The following TBC1D8B variants were observed in gnomAD, a reference collection of about 807,000 sequenced individuals.
TBC1D8B encodes the protein RP11-321G1.1.
In TBC1D8B, 75 loss-of-function variants were observed where a neutral mutation model predicts 82.9. The observed-to-expected ratio is 0.90, with a 90% CI of 0.75 to 1.10. The LOEUF (loss-of-function observed/expected upper bound fraction) is 1.10, where lower values mean the gene tolerates loss of function less well. Among genes scored for constraint, TBC1D8B ranks in the 50% least tolerant of loss-of-function variants. The pLI, the probability that TBC1D8B is intolerant of heterozygous loss-of-function variation, is 0.00. For missense variants in TBC1D8B, 794 were observed against 796.9 expected (o/e 1.00, Z 0.04); for synonymous variants, 276 against 276.8 (o/e 1.00, Z 0.03).
At chrX:106,833,341 G>A (rs922162620) in intron 7 of TBC1D8B, among the ~76,000 whole-genome samples, 6 of 111,371 alleles carry the variant, frequency 5.4e-5, no homozygotes, top group African/African-American at 2.0e-4. Flanking sequence ...TTTTGCTCAG[G>A]CACTAAAAGT....
intron 1 of TBC1D8B, 37 bp downstream of exon 1, chrX:106,803,020 T>A: frequency 1.7e-6 from 2 of 1,161,475 alleles, no homozygotes; most frequent in Middle Eastern, 2.8e-4. Flanking sequence ...CTGGGCTGTG[T>A]TCGCTGTTAC....
chrX:106,876,088 A>C lies in TBC1D8B; in HGVS notation c.*2123A>C, dbSNP rs1205912608. ...CATTATACCTTATGCATTAAATTAAATATGTTATAAGGTGGCTTTACTTGT... is the reference window on the plus strand; with the variant it reads ...CATTATACCTTATGCATTAAATTAACTATGTTATAAGGTGGCTTTACTTGT... On this transcript the variant is annotated 3_prime_UTR_variant, in exon 21 of 21. Coordinates refer to ENST00000357242, the MANE Select transcript of TBC1D8B (RefSeq NM_017752.3). 1 of 111,847 alleles carries C rather than the reference A, an allele frequency of 8.9e-6. No homozygotes were observed. The highest frequency in any genetic ancestry group is 3.2e-5 in the African/African-American group (1 of 30,823). 9.2% of individuals were successfully genotyped at this position (111,847 alleles called of 1,213,427 possible). A position where few individuals can be genotyped will look rare whatever the true frequency, so the allele number is the denominator to read the frequency against.
chrX:106,866,684 T>G (rs1932817183), intron 16 of TBC1D8B, 113 bp from the exon 17 acceptor site: 1 of 497,400 alleles, frequency 2.0e-6, no homozygotes, highest in African/African-American at 2.4e-5. Flanking sequence ...AAGTAACAGG[T>G]TTCTAAATCC....
In TBC1D8B at chrX:106,827,249, A is replaced by G; in HGVS notation, c.1115A>G (p.His372Arg). The G allele has an allele frequency of 1.7e-6, 2 of 1,211,404 alleles. No individual in the cohort carries two copies. Among genetic ancestry groups the G allele is most frequent in the Non-Finnish European group, 2.2e-6 (2 of 895,202 alleles). The change falls in exon 7 of 21, where the codon CAT becomes CGT. Residue 372 changes from histidine (H) to arginine (R), a missense_variant. By Grantham distance (29) the His-to-Arg change is conservative. Transcript: ENST00000357242. Reference sequence around the variant, plus strand: ...AAAGGAAAAACAGCTTTTCGCTTCCATGAAGTTAAAGACTTTGAACAACTG... The same window carrying G: ...AAAGGAAAAACAGCTTTTCGCTTCCGTGAAGTTAAAGACTTTGAACAACTG... Reference protein sequence around the residue: ...SIKGKTAFRFHEVKDFEQLVA... With the variant: ...SIKGKTAFRFREVKDFEQLVA...
At chrX:106,827,554 T>C (rs1005608975) in intron 7 of TBC1D8B, 1 of 346,584 alleles carries the variant, frequency 2.9e-6, no homozygotes, top group Non-Finnish European at 4.9e-6. Context: ...ATTATAAAAT[T>C]ACTATAATTT....
intron 1 of TBC1D8B, among the ~76,000 whole-genome samples, chrX:106,804,519 G>A (rs1018343447): frequency 9.0e-6 from 1 of 111,315 alleles, no homozygotes; most frequent in African/African-American, 3.3e-5. Flanking sequence ...AGATATTTTC[G>A]AGATCAAAAT....
Position 106,802,972 on chromosome X carries a change from G to T in TBC1D8B, c.119G>T (p.Gly40Val), listed in dbSNP as rs754093308. 41 of 1,204,856 alleles carry T rather than the reference G, an allele frequency of 3.4e-5. No homozygotes were observed. The Admixed American group carries it at 8.1e-4, about 24-fold the overall frequency. ...RRRGYGEEGGGGLTGLLVGTL... is the reference protein window; with the variant it reads ...RRRGYGEEGGVGLTGLLVGTL... The stretch of plus-strand genomic sequence containing the variant: ...CGGGGCTACGGGGAGGAAGGCGGAG[G>T]GGGGCTCACAGGTAAGCTGTGGCCA... The change falls in exon 1 of 21, where the codon GGG (glycine) becomes GTG (valine). Residue 40 changes from glycine (G) to valine (V), a missense_variant. Gly to Val is a moderately radical substitution (Grantham distance 109). Transcript: ENST00000357242.
chrX:106,871,377 A>G (rs1932847357), intron 20 of TBC1D8B, among the ~76,000 whole-genome samples: 1 of 112,009 alleles, frequency 8.9e-6, no homozygotes, highest in East Asian at 2.8e-4. Context: ...ATATCATTTG[A>G]CAATTGAATA....
At chrX:106,826,329 C>A in intron 6 of TBC1D8B, 92 bp downstream of exon 6, 1 of 679,154 alleles carries the variant, frequency 1.5e-6, no homozygotes, top group Non-Finnish European at 2.2e-6. Flanking sequence ...ATTATTAAAA[C>A]CTCAAGATGC....
intron 2 of TBC1D8B, among the ~76,000 whole-genome samples, chrX:106,820,469 A>G (rs1931665723): frequency 8.9e-6 from 1 of 111,744 alleles, no homozygotes; most frequent in Non-Finnish European, 1.9e-5. Flanking sequence ...TGCTGTTTTC[A>G]GCCACACATA....
chrX:106,837,752 T>C (rs1305024532), intron 7 of TBC1D8B, among the ~76,000 whole-genome samples: 2 of 111,824 alleles, frequency 1.8e-5, no homozygotes, highest in African/African-American at 6.5e-5. Context: ...TAACATAATG[T>C]TCTCCATGTT....
chrX:106,806,661 G>A (rs1180170131), intron 1 of TBC1D8B, among the ~76,000 whole-genome samples: 2 of 111,401 alleles, frequency 1.8e-5, no homozygotes, highest in Admixed American at 9.6e-5. Context: ...TCTGAATAGT[G>A]TAAGCAGGTT....
rs755955012 is a variant in TBC1D8B, at chrX:106,848,318, A to G, written c.1837+15A>G. 4.1e-5 allele frequency: 42 copies of G among 1,035,106 alleles called. No individual in the cohort carries two copies. The highest frequency in any genetic ancestry group is 5.3e-6 in the Non-Finnish European group (4 of 751,490). 85.3% of individuals were successfully genotyped at this position (1,035,106 alleles called of 1,213,427 possible). Reference sequence around the variant, plus strand: ...TCGAATTATTGGTAAAAGAAAAACCACACACACACATATGCATACACACAC... The same window carrying G: ...TCGAATTATTGGTAAAAGAAAAACCGCACACACACATATGCATACACACAC... On this transcript the variant is annotated intron_variant, in intron 11 of 20. Coordinates refer to ENST00000357242, the MANE Select transcript of TBC1D8B (RefSeq NM_017752.3).
intron 11 of TBC1D8B, chrX:106,849,148 T>C: frequency 1.3e-6 from 1 of 783,400 alleles, no homozygotes; most frequent in Non-Finnish European, 1.8e-6. Context: ...ATGGTCTCTT[T>C]GTACCGTAAT....
intron 7 of TBC1D8B, among the ~76,000 whole-genome samples, chrX:106,830,586 A>G (rs1003936426): frequency 1.9e-4 from 21 of 111,161 alleles, no homozygotes; most frequent in Admixed American, 1.6e-3. Context: ...AAAATATGGC[A>G]CATATACACC....
chrX:106,871,514 A>G (rs1932848271), intron 20 of TBC1D8B, among the ~76,000 whole-genome samples: 1 of 112,156 alleles, frequency 8.9e-6, no homozygotes, highest in Non-Finnish European at 1.9e-5. Context: ...CATGACAATA[A>G]CAATCATCAA....
chrX:106,813,249 G>A (rs1354111242), intron 1 of TBC1D8B, among the ~76,000 whole-genome samples: 1 of 112,013 alleles, frequency 8.9e-6, no homozygotes, highest in Non-Finnish European at 1.9e-5. Context: ...TACTCCAGGA[G>A]GGAGTATTTA....
Position 106,802,917 on chromosome X carries a change from T to C in TBC1D8B, c.64T>C (p.Ser22Pro). 1 of 1,210,849 alleles carries C rather than the reference T, an allele frequency of 8.3e-7. No individual in the cohort carries two copies. Among genetic ancestry groups the C allele is most frequent in the Non-Finnish European group, 1.1e-6 (1 of 895,134 alleles). ...NALKLWLMER[S>P]NDYFVLQRRR... ...GCTGAAGCTGTGGCTGATGGAAAGG[T>C]CCAACGACTACTTCGTGCTGCAGCG... The change falls in exon 1 of 21, where the codon TCC becomes CCC. Residue 22 changes from serine (S) to proline (P), a missense_variant. Ser to Pro is a moderately conservative substitution (Grantham distance 74). Transcript: ENST00000357242.
intron 12 of TBC1D8B, among the ~76,000 whole-genome samples, chrX:106,851,069 G>A (rs1451249713): frequency 9.0e-6 from 1 of 111,575 alleles, no homozygotes; most frequent in Non-Finnish European, 1.9e-5. Flanking sequence ...CCTCACCCAT[G>A]CCCTCCTAAT....
Sources: allele counts gnomAD v4.1 joint callset (sites outside exome capture counted in the v4.1 genomes callset), GRCh38; gene constraint gnomAD v4.1.1; transcripts MANE v1.5; gene names NCBI Gene and HGNC (gene_info 2026-07-23, HGNC 2026-07-21).